Variants in WARS2 observed in about 807,000 individuals in gnomAD.
WARS2 encodes the protein tryptophanyl tRNA synthetase 2, mitochondrial, also known as tryptophan--tRNA ligase, mitochondrial.
A neutral mutation model predicts 36.5 loss-of-function variants in WARS2; 28 were observed. The observed-to-expected ratio is 0.77, with a 90% CI of 0.57 to 1.05. The LOEUF is 1.05. Among genes scored for constraint, WARS2 ranks in the 50% least tolerant of loss-of-function variants. The pLI is 0.00. For synonymous variants in WARS2, 174 were observed against 178.4 expected (o/e 0.98, Z 0.20); for missense variants, 435 against 456.8 (o/e 0.95, Z 0.44).
At chr1:119,122,752 T>C (rs1655406400) in intron 1 of WARS2, among the ~76,000 whole-genome samples, 1 of 152,116 alleles carries the variant, frequency 6.6e-6, no homozygotes, top group Non-Finnish European at 1.5e-5. Context: ...CTGGATGAAG[T>C]TGGAGACCAC....
At chr1:119,127,800 T>C (rs1315645894) in intron 1 of WARS2, among the ~76,000 whole-genome samples, 2 of 152,160 alleles carry the variant, frequency 1.3e-5, no homozygotes, top group African/African-American at 4.8e-5. Flanking sequence ...CTTTCCTGTA[T>C]TGTCAATCTC....
intron 1 of WARS2, among the ~76,000 whole-genome samples, chr1:119,105,733 G>A (rs964848830): frequency 6.6e-6 from 1 of 152,158 alleles, no homozygotes; most frequent in Non-Finnish European, 1.5e-5. Context: ...CCAACATGGC[G>A]AAACCCTGTC....
At chr1:119,117,164 A>G (rs1655025730) in intron 1 of WARS2, among the ~76,000 whole-genome samples, 2 of 151,948 alleles carry the variant, frequency 1.3e-5, no homozygotes, top group Non-Finnish European at 2.9e-5. Context: ...GCTTTCCCCC[A>G]CTTGTCTGGT....
chr1:119,088,433 G>T (rs1362583177), intron 1 of WARS2, among the ~76,000 whole-genome samples: 2 of 96,224 alleles, frequency 2.1e-5, no homozygotes, highest in Non-Finnish European at 4.3e-5. Context: ...AGGAAACACT[G>T]AAACACACAC....
At chr1:119,043,376 G>A (rs775486452) in intron 3 of WARS2, among the ~76,000 whole-genome samples, 6 of 152,192 alleles carry the variant, frequency 3.9e-5, no homozygotes, top group Non-Finnish European at 8.8e-5. Context: ...CCAAGCTCAT[G>A]AGCTTACAAA....
intron 1 of WARS2, among the ~76,000 whole-genome samples, chr1:119,123,123 G>C (rs1253278407): frequency 2.0e-5 from 3 of 152,194 alleles, no homozygotes; most frequent in South Asian, 2.1e-4. Context: ...TAAGAACTCT[G>C]AGGACAAGAC....
chr1:119,106,406 C>T (rs181488223), intron 1 of WARS2, among the ~76,000 whole-genome samples: 225 of 152,238 alleles, frequency 1.5e-3, no homozygotes, highest in African/African-American at 5.1e-3. Flanking sequence ...ACACGTATCC[C>T]CCATTATAGT....
intron 2 of WARS2, chr1:119,064,245 C>A (rs1178051304): frequency 6.6e-6 from 1 of 152,172 alleles, no homozygotes; most frequent in African/African-American, 2.4e-5. Flanking sequence ...TGACCAATTT[C>A]TCCCATTTGG....
intron 1 of WARS2, among the ~76,000 whole-genome samples, chr1:119,101,820 G>T (rs1216495908): frequency 6.6e-6 from 1 of 152,102 alleles, no homozygotes; most frequent in Non-Finnish European, 1.5e-5. Flanking sequence ...ATATTCCAGA[G>T]CTACAAGCCG....
intron 1 of WARS2, among the ~76,000 whole-genome samples, chr1:119,134,373 C>T (rs960400204): frequency 3.7e-5 from 5 of 136,024 alleles, no homozygotes; most frequent in Non-Finnish European, 7.8e-5. Flanking sequence ...GTTCTTTAGT[C>T]AACCAGAAGT....
At chr1:119,066,294 C>T (rs981849358) in intron 2 of WARS2, among the ~76,000 whole-genome samples, 30 of 151,864 alleles carry the variant, frequency 2.0e-4, no homozygotes, top group African/African-American at 5.8e-4. Context: ...CTGGCTAATA[C>T]GGTGAAACCC....
chr1:119,126,324 C>A (rs902897638), intron 1 of WARS2, among the ~76,000 whole-genome samples: 1 of 150,946 alleles, frequency 6.6e-6, no homozygotes, highest in Non-Finnish European at 1.5e-5. Context: ...ATCTAATTTA[C>A]AATTTCTAAT....
chr1:119,081,694 G>A (rs1247035418), intron 1 of WARS2, among the ~76,000 whole-genome samples: 1 of 152,080 alleles, frequency 6.6e-6, no homozygotes, highest in Non-Finnish European at 1.5e-5. Flanking sequence ...TCACTCCTTA[G>A]CTCTGTTAGT....
chr1:119,085,909 G>A (rs996748321), intron 1 of WARS2: 120 of 1,610,332 alleles, frequency 7.5e-5, no homozygotes, highest in African/African-American at 4.7e-4. Flanking sequence ...TGGACCTCTC[G>A]CTCATTCAGC....
At chr1:119,134,818 T>C (rs989738868) in intron 1 of WARS2, among the ~76,000 whole-genome samples, 1 of 152,196 alleles carries the variant, frequency 6.6e-6, no homozygotes, top group African/African-American at 2.4e-5. Flanking sequence ...AGGCCTCATA[T>C]TGTAATCTTC....
At chr1:119,091,418 G>A (rs587750643) in intron 1 of WARS2, among the ~76,000 whole-genome samples, 1 of 152,336 alleles carries the variant, frequency 6.6e-6, no homozygotes, top group Non-Finnish European at 1.5e-5. Context: ...GTGGAGCCAT[G>A]ACTTGAACCC....
Position 119,031,816 on chromosome 1 carries a change from A to C in WARS2, c.*1095T>G, listed in dbSNP as rs1452856756. 1 of 152,388 alleles carries C rather than the reference A, an allele frequency of 6.6e-6. No homozygotes were observed. Among genetic ancestry groups the C allele is most frequent in the Non-Finnish European group, 1.5e-5 (1 of 68,208 alleles). 9.4% of individuals were successfully genotyped at this position (152,388 alleles called of 1,614,324 possible). A position where few individuals can be genotyped will look rare whatever the true frequency, so the allele number is the denominator to read the frequency against. On this transcript the variant is annotated 3_prime_UTR_variant, in exon 6 of 6. Transcript: ENST00000235521. ...AGACTGGCAGAACCTATTTCAAAGT[A>C]TTTCTGCAATGAGCGTAGAGGAGAG...
rs574797634 is a variant in WARS2, at chr1:119,066,315, A to C, written c.348+10035T>G. 4.6e-5 allele frequency among the ~76,000 whole-genome samples: 7 copies of C among 152,084 alleles called. No individual in the cohort carries two copies. The East Asian group carries it at 1.4e-3, about 29-fold the overall frequency. ...AATACGGTGAAACCCCGTCTTTACT[A>C]AAAATACAAAAAATTAGCCGGGTGT... On this transcript the variant is annotated intron_variant, in intron 2 of 5. Transcript: ENST00000235521.
At chr1:119,091,853 G>A (rs1653072633) in intron 1 of WARS2, among the ~76,000 whole-genome samples, 1 of 152,162 alleles carries the variant, frequency 6.6e-6, no homozygotes, top group Non-Finnish European at 1.5e-5. Context: ...AGACGTAGAA[G>A]CCGCTGTGCT....
Sources: allele counts gnomAD v4.1 joint callset (sites outside exome capture counted in the v4.1 genomes callset), GRCh38; gene constraint gnomAD v4.1.1; transcripts MANE v1.5; gene names NCBI Gene and HGNC (gene_info 2026-07-23, HGNC 2026-07-21).